The following ADGRL4 variants were observed in gnomAD, a reference collection of about 807,000 sequenced individuals.
ADGRL4 encodes EGF, latrophilin and seven transmembrane domain containing 1.
A neutral mutation model predicts 74.8 loss-of-function variants in ADGRL4; 90 were observed. That is an observed-to-expected ratio of 1.20 (90% CI 1.02 to 1.43). The LOEUF (loss-of-function observed/expected upper bound fraction) is 1.43. ADGRL4 is among the 40% of genes most tolerant of loss of function. ADGRL4 has a pLI of 0.00. For synonymous variants in ADGRL4, 311 were observed against 279.2 expected (o/e 1.11, Z -1.14); for missense variants, 881 against 814.3 (o/e 1.08, Z -1.00).
chr1:78,962,514 C>T (rs1446117944), intron 2 of ADGRL4, among the ~76,000 whole-genome samples: 4 of 152,070 alleles, frequency 2.6e-5, no homozygotes, highest in African/African-American at 9.7e-5. Flanking sequence ...CCTGCCGACC[C>T]AGGTTGAAGA....
intron 12 of ADGRL4, among the ~76,000 whole-genome samples, chr1:78,904,955 T>C (rs187932700): frequency 9.3e-4 from 141 of 152,166 alleles, no homozygotes; most frequent in African/African-American, 2.5e-3. Flanking sequence ...TTTTCAAAAT[T>C]TGAAGTGACC....
intron 2 of ADGRL4, among the ~76,000 whole-genome samples, chr1:79,002,935 A>T (rs1650873966): frequency 6.6e-6 from 1 of 152,128 alleles, no homozygotes; most frequent in African/African-American, 2.4e-5. Context: ...TTGCTCTTTT[A>T]ATATGTTTAG....
At chr1:78,981,253 ATG>A (rs1650392601) in intron 2 of ADGRL4, among the ~76,000 whole-genome samples, 1 of 151,932 alleles carries the variant, frequency 6.6e-6, no homozygotes, top group African/African-American at 2.4e-5. Flanking sequence ...AGATAACAAA[ATG>A]ATAAAAAATT....
Position 78,920,247 on chromosome 1 carries a change from A to C in ADGRL4, c.1397T>G (p.Leu466Arg), listed in dbSNP as rs759497342. 1 of 1,612,062 alleles carries C rather than the reference A, an allele frequency of 6.2e-7. No individual in the cohort carries two copies. The highest frequency in any genetic ancestry group is 8.5e-7 in the Non-Finnish European group (1 of 1,178,910). The change falls in exon 10 of 15, where the codon CTT becomes CGT. Residue 466 changes from leucine to arginine, a missense_variant. Leu to Arg is a moderately radical substitution (Grantham distance 102, BLOSUM62 -2). Coordinates refer to ENST00000370742, the MANE Select transcript of ADGRL4 (RefSeq NM_022159.4). ...QSTRTTIHKN[L>R]CCSLFLAELV... ...TTCAGCAAGAAATAGGCTACAGCAA[A>C]GATTTTTGTGAATTGTTGTCCTGGT...
intron 2 of ADGRL4, among the ~76,000 whole-genome samples, chr1:78,986,999 T>C (rs114970103): frequency 0.029 from 4,423 of 151,870 alleles, 102 homozygotes; most frequent in Non-Finnish European, 0.04. Flanking sequence ...AGATAAATCA[T>C]GACACGATGG....
At chr1:78,916,163 C>T (rs946414599) in intron 12 of ADGRL4, among the ~76,000 whole-genome samples, 1 of 151,856 alleles carries the variant, frequency 6.6e-6, no homozygotes, top group Non-Finnish European at 1.5e-5. Flanking sequence ...CCAAATTAGC[C>T]TTACACAAGC....
chr1:79,002,427 G>C (rs1650862370), intron 2 of ADGRL4, among the ~76,000 whole-genome samples: 1 of 152,048 alleles, frequency 6.6e-6, no homozygotes, highest in Admixed American at 6.5e-5. Flanking sequence ...TTTTAAAGGA[G>C]TTACAAGAAT....
At chr1:78,996,738 G>A (rs1019882530) in intron 2 of ADGRL4, among the ~76,000 whole-genome samples, 3 of 151,906 alleles carry the variant, frequency 2.0e-5, no homozygotes, top group African/African-American at 7.3e-5. Flanking sequence ...TCGCTTTTTA[G>A]CTCTACAATT....
intron 7 of ADGRL4, among the ~76,000 whole-genome samples, chr1:78,928,106 T>C (rs1649156997): frequency 6.6e-6 from 1 of 151,584 alleles, no homozygotes; most frequent in South Asian, 2.1e-4. Flanking sequence ...TGATGAACCA[T>C]GTCGTGGGAC....
At chr1:78,910,631 A>C (rs148133201) in intron 12 of ADGRL4, among the ~76,000 whole-genome samples, 2 of 151,938 alleles carry the variant, frequency 1.3e-5, no homozygotes, top group African/African-American at 4.8e-5. Context: ...ACTTGAATCT[A>C]ATCACTTACA....
intron 2 of ADGRL4, among the ~76,000 whole-genome samples, chr1:78,950,176 T>C (rs1649691850): frequency 6.6e-6 from 1 of 152,022 alleles, no homozygotes; most frequent in Admixed American, 6.6e-5. Context: ...GGAAGTGATG[T>C]TTGGAGTCAG....
chr1:79,000,385 G>A (rs972605117), intron 2 of ADGRL4, among the ~76,000 whole-genome samples: 2 of 152,134 alleles, frequency 1.3e-5, no homozygotes. Context: ...AACTTAGTCT[G>A]TAAAGCTGAC....
At chr1:78,899,136 A>G (rs17102373) in intron 12 of ADGRL4, among the ~76,000 whole-genome samples, 5,856 of 152,292 alleles carry the variant, frequency 0.038, 149 homozygotes, top group South Asian at 0.067. Flanking sequence ...TAAATTTTTC[A>G]TAAATATCAA....
intron 2 of ADGRL4, among the ~76,000 whole-genome samples, chr1:78,994,083 GA>G (rs1381753075): frequency 6.6e-6 from 1 of 152,120 alleles, no homozygotes; most frequent in African/African-American, 2.4e-5. Context: ...CCTTATTCCT[GA>G]AAATGTTCAC....
At chr1:78,927,146 G>T in intron 7 of ADGRL4, 55 bp from the exon 8 acceptor site, 1 of 1,142,718 alleles carries the variant, frequency 8.8e-7, no homozygotes, top group East Asian at 2.4e-5. Flanking sequence ...AGTGTATTTA[G>T]ACTCTTAAGA....
At chr1:78,994,088 T>C (rs188990333) in intron 2 of ADGRL4, among the ~76,000 whole-genome samples, 9 of 152,258 alleles carry the variant, frequency 5.9e-5, no homozygotes, top group Admixed American at 5.2e-4. Flanking sequence ...TTCCTGAAAA[T>C]GTTCACAAAA....
rs1557487015 is a variant in ADGRL4 at position 78,890,465 on chromosome 1, T to G, written c.*689A>C. 6.8e-6 allele frequency: 1 copy of G among 146,644 alleles called. No homozygotes were observed. Among genetic ancestry groups the G allele is most frequent in the Non-Finnish European group, 1.5e-5 (1 of 66,044 alleles). The allele number at this position is 146,644 out of a possible 1,614,324, so 9.1% of individuals were successfully genotyped here. The stretch of plus-strand genomic sequence containing the variant: ...AACCTTAGAAACAGATTTTTTTCAC[T>G]TTTTTTTTTTCAATTTGTGGAGGTA... On this transcript the variant is annotated 3_prime_UTR_variant, in exon 15 of 15. Coordinates refer to ENST00000370742, the MANE Select transcript of ADGRL4 (RefSeq NM_022159.4).
At chr1:78,948,269 G>C (rs776693814) in intron 2 of ADGRL4, among the ~76,000 whole-genome samples, 1 of 152,248 alleles carries the variant, frequency 6.6e-6, no homozygotes, top group Non-Finnish European at 1.5e-5. Context: ...ACAACTTTGA[G>C]ATATGAAAGA....
At chr1:78,939,328 C>T in intron 3 of ADGRL4, 70 bp from the exon 4 acceptor site, 2 of 1,291,212 alleles carry the variant, frequency 1.5e-6, no homozygotes, top group Non-Finnish European at 1.0e-6. Flanking sequence ...TCATATCAAT[C>T]CCAATGATCT....
Sources: allele counts gnomAD v4.1 joint callset (sites outside exome capture counted in the v4.1 genomes callset), GRCh38; gene constraint gnomAD v4.1.1; transcripts MANE v1.5; gene names NCBI Gene and HGNC (gene_info 2026-07-23, HGNC 2026-07-21).